NCOR2: variants seen among roughly 807,000 people sequenced by gnomAD.
NCOR2 encodes CTG repeat protein 26.
A neutral mutation model predicts 262.9 loss-of-function variants in NCOR2; 81 were observed. That is an observed-to-expected ratio of 0.31 (90% CI 0.26 to 0.37). The LOEUF (loss-of-function observed/expected upper bound fraction) is 0.37. Ranked by LOEUF, NCOR2 falls within the 10% of genes least tolerant of loss-of-function variation. The pLI, the probability that NCOR2 is intolerant of heterozygous loss-of-function variation, is 1.00. For missense variants in NCOR2, 3,385 were observed against 3,621.4 expected (o/e 0.93, Z 1.68); for synonymous variants, 1,659 against 1,559.3 (o/e 1.06, Z -1.51).
rs193198979 is a variant in NCOR2 at position 124,415,358 on chromosome 12, G to C, written c.1482+4599C>G. ...ATACAGCCACAGACAGAGACGCTCA[G>C]CTGGCGGCAGTCACTGCATCTCCAC... On this transcript the variant is annotated intron_variant, in intron 13 of 46. Coordinates refer to ENST00000405201, the Ensembl canonical transcript of NCOR2. 4.1e-3 allele frequency among the ~76,000 whole-genome samples: 619 copies of C among 152,382 alleles called. 6 individuals carry two copies. The highest frequency in any genetic ancestry group is 0.014 in the African/African-American group (595 of 41,596).
Position 124,344,825 on chromosome 12 carries a change from C to T in NCOR2, c.4486G>A (p.Ala1496Thr), listed in dbSNP as rs781223466. Reference sequence around the variant, plus strand: ...TAGCAGGCACGTTCCAGTGCCCGGGCGTCGGCCATCACATCCAGCGGGTGC... The same window carrying T: ...TAGCAGGCACGTTCCAGTGCCCGGGTGTCGGCCATCACATCCAGCGGGTGC... The change falls in exon 32 of 47, where the codon GCC (alanine) becomes ACC (threonine). Residue 1496 changes from alanine to threonine, a missense_variant. Ala to Thr is a moderately conservative substitution (Grantham distance 58). Transcript: ENST00000405201. 21 of 1,557,300 alleles carry T rather than the reference C, an allele frequency of 1.3e-5. No individual in the cohort carries two copies. Among genetic ancestry groups the T allele is most frequent in the African/African-American group, 2.7e-5 (2 of 73,662 alleles).
At chr12:124,480,589 C>T (rs1028467821) in intron 3 of NCOR2, among the ~76,000 whole-genome samples, 7 of 152,120 alleles carry the variant, frequency 4.6e-5, no homozygotes, top group South Asian at 2.1e-4. Flanking sequence ...CCACCGCCAC[C>T]GTCTAGGTTC....
rs117087422 is a variant in NCOR2, at chr12:124,515,276, G to A, written c.-117-19908C>T. Among the ~76,000 whole-genome samples, 771 of 152,250 alleles carry A rather than the reference G, an allele frequency of 5.1e-3. 31 individuals carry two copies. The East Asian group carries it at 0.094, about 19-fold the overall frequency. Reference sequence around the variant, plus strand: ...CCAGCAACTTGGGAGGCTGTGACAGGAGAATCGCTTGAACTCAGGAGGCAG... The same window carrying A: ...CCAGCAACTTGGGAGGCTGTGACAGAAGAATCGCTTGAACTCAGGAGGCAG... On this transcript the variant is annotated intron_variant, in intron 1 of 46. Coordinates refer to the NCOR2 transcript ENST00000404621.
At chr12:124,330,356 G>C (rs538977843) in intron 44 of NCOR2, among the ~76,000 whole-genome samples, 1 of 152,228 alleles carries the variant, frequency 6.6e-6, no homozygotes, top group South Asian at 2.1e-4. Flanking sequence ...TTAAAAGTGC[G>C]TGTCAATTTT....
At chr12:124,325,627 C>T (rs901580861) in intron 46 of NCOR2, 44 bp from the exon 49 acceptor site, 16 of 1,243,442 alleles carry the variant, frequency 1.3e-5, no homozygotes, top group Admixed American at 4.2e-5. Context: ...TCTGTGAGCC[C>T]GGCAGCCCCT....
At chr12:124,388,788 G>GCGGT (rs772247869) in intron 16 of NCOR2, 533 of 1,302,924 alleles carry the variant, frequency 4.1e-4, no homozygotes, top group Non-Finnish European at 5.2e-4. Flanking sequence ...CTGGGCGGCC[G>GCGGT]CGGTCGGCTC....
At chr12:124,391,525 G>T in intron 16 of NCOR2, among the ~76,000 whole-genome samples, 1 of 152,204 alleles carries the variant, frequency 6.6e-6, no homozygotes, top group East Asian at 1.9e-4. Context: ...CCACAGGGAC[G>T]GTGCCTCCGC....
At chr12:124,397,444 C>T (rs2041753153) in intron 16 of NCOR2, among the ~76,000 whole-genome samples, 1 of 152,184 alleles carries the variant, frequency 6.6e-6, no homozygotes, top group Non-Finnish European at 1.5e-5. Flanking sequence ...TTAGGAGGCA[C>T]TGGACCCCAG....
chr12:124,452,860 C>A (rs754281727), intron 6 of NCOR2, among the ~76,000 whole-genome samples: 1 of 152,206 alleles, frequency 6.6e-6, no homozygotes, highest in Non-Finnish European at 1.5e-5. Flanking sequence ...GAGGGGCCCA[C>A]AAGGCGAAGG....
Position 124,388,796 on chromosome 12 carries a change from C to T in NCOR2, c.1877-2909G>A, listed in dbSNP as rs566020654. On this transcript the variant is annotated intron_variant, in intron 16 of 46. Coordinates refer to ENST00000405201, the Ensembl canonical transcript of NCOR2. Reference sequence around the variant, plus strand: ...CGGCAGGCTGGGCGGCCGCGGTCGGCTCTGCGAGGCTGCTGGTTGGCGTCT... The same window carrying T: ...CGGCAGGCTGGGCGGCCGCGGTCGGTTCTGCGAGGCTGCTGGTTGGCGTCT... 20 of 1,297,584 alleles carry T rather than the reference C, an allele frequency of 1.5e-5. No homozygotes were observed. The South Asian group carries it at 2.1e-4, about 14-fold the overall frequency. 80.4% of individuals were successfully genotyped at this position (1,297,584 alleles called of 1,614,324 possible). A position where few individuals can be genotyped will look rare whatever the true frequency, so the allele number is the denominator to read the frequency against.
rs115740297 is a variant in NCOR2 at position 124,372,003 on chromosome 12, C to T, written c.2807+19G>A. 6.4e-4 allele frequency: 1,010 copies of T among 1,566,496 alleles called. 7 individuals are homozygous for T. In the African/African-American group the frequency reaches 0.012, roughly 19 times the overall value. On this transcript the variant is annotated intron_variant, in intron 20 of 46. Transcript: ENST00000405201. Reference sequence around the variant, plus strand: ...CTGCAGACAAAAGCCAAGGTTAGGGCTGCCTGGCGCCCACTCACCGGTTCT... The same window carrying T: ...CTGCAGACAAAAGCCAAGGTTAGGGTTGCCTGGCGCCCACTCACCGGTTCT...
intron 1 of NCOR2, among the ~76,000 whole-genome samples, chr12:124,528,633 G>A (rs7303457): frequency 0.011 from 1,693 of 152,324 alleles, 41 homozygotes; most frequent in African/African-American, 0.038. Context: ...AAGGCACAGC[G>A]TCTCCTCCAC....
chr12:124,385,924 G>A (rs1386996754), intron 16 of NCOR2, 37 bp from the exon 19 acceptor site: 1 of 1,600,858 alleles, frequency 6.2e-7, no homozygotes, highest in Non-Finnish European at 8.5e-7. Flanking sequence ...AAGAGGCCAG[G>A]CCCGGCACGC....
chr12:124,515,880 C>T (rs182484804), intron 1 of NCOR2, among the ~76,000 whole-genome samples: 167 of 152,278 alleles, frequency 1.1e-3, no homozygotes, highest in Non-Finnish European at 1.9e-3. Context: ...TGAGCTGCCT[C>T]GTCACAAAGG....
At chr12:124,354,225 GC>G (rs755414560) in intron 26 of NCOR2, 29 bp from the exon 29 acceptor site, 3 of 1,559,426 alleles carry the variant, frequency 1.9e-6, no homozygotes, top group African/African-American at 1.4e-5. Context: ...GGGGCTGAGG[GC>G]GTGTCTGTGG....
chr12:124,387,872 C>T (rs575056038), intron 16 of NCOR2, among the ~76,000 whole-genome samples: 1 of 140,700 alleles, frequency 7.1e-6, no homozygotes, highest in Non-Finnish European at 1.5e-5. Flanking sequence ...CGAGAGGGGG[C>T]GGGTCTCCCA....
intron 1 of NCOR2, among the ~76,000 whole-genome samples, chr12:124,509,958 C>T (rs749224073): frequency 6.6e-6 from 1 of 152,154 alleles, no homozygotes; most frequent in Non-Finnish European, 1.5e-5. Flanking sequence ...GCTAGCCGCA[C>T]CGCAGAACCA....
chr12:124,463,510 C>T (rs1356519272), intron 5 of NCOR2, among the ~76,000 whole-genome samples: 1 of 152,212 alleles, frequency 6.6e-6, no homozygotes, highest in Non-Finnish European at 1.5e-5. Context: ...GGCGGGGAGG[C>T]GGGAAAAGCC....
At chr12:124,565,970 G>A (rs1490293899) in intron 1 of NCOR2, among the ~76,000 whole-genome samples, 2 of 152,066 alleles carry the variant, frequency 1.3e-5, no homozygotes, top group African/African-American at 4.8e-5. Flanking sequence ...TCGCCCTCCC[G>A]GCGCAGTCTG....
Sources: allele counts gnomAD v4.1 joint callset (sites outside exome capture counted in the v4.1 genomes callset), GRCh38; gene constraint gnomAD v4.1.1; transcripts MANE v1.5; gene names NCBI Gene and HGNC (gene_info 2026-07-23, HGNC 2026-07-21).